Variants in PTCHD4 observed in about 807,000 individuals in gnomAD.
The protein encoded by PTCHD4 is patched domain-containing protein 4.
PTCHD4 carries 33 observed loss-of-function variants against 58.1 expected under a neutral mutation model. The ratio of observed to expected loss-of-function variants is 0.57; its 90% CI spans 0.43 to 0.76. The LOEUF (loss-of-function observed/expected upper bound fraction) is 0.76, where lower values mean the gene tolerates loss of function less well. Ranked by LOEUF, PTCHD4 falls within the 30% of genes least tolerant of loss-of-function variation. The pLI is 0.00. For missense variants in PTCHD4, 1,058 were observed against 1,027.1 expected, an observed-to-expected ratio of 1.03 and a Z score of -0.41; for synonymous variants, 478 against 409.6, an observed-to-expected ratio of 1.17 and a Z score of -2.02.
In PTCHD4 at chr6:47,901,193, A is replaced by T. The variant is rs193239904; in HGVS notation, c.899-21257T>A. 3,233 of 145,820 alleles carry T rather than the reference A, an allele frequency of 0.022. 58 individuals are homozygous for T. Among genetic ancestry groups the T allele is most frequent in the Middle Eastern group, 0.037 (10 of 268 alleles). The allele number at this position is 145,820 out of a possible 1,614,324, so 9.0% of individuals were successfully genotyped here. On this transcript the variant is annotated intron_variant, in intron 4 of 4. Coordinates refer to ENST00000339488, the MANE Select transcript of PTCHD4 (RefSeq NM_001384253.1). The stretch of plus-strand genomic sequence containing the variant: ...AAAAATAATAAAATAAAATAAAAAT[A>T]AAAAAAAATAAAAATAAATAGAAAT...
intron 4 of PTCHD4, among the ~76,000 whole-genome samples, chr6:47,939,837 A>G (rs1294067997): frequency 6.6e-6 from 1 of 152,148 alleles, no homozygotes; most frequent in Admixed American, 6.5e-5. Flanking sequence ...TTAAAGAAAG[A>G]GCACATTCTT....
At chr6:48,000,733 C>T (rs779905938) in intron 4 of PTCHD4, among the ~76,000 whole-genome samples, 17 of 152,136 alleles carry the variant, frequency 1.1e-4, no homozygotes, top group Non-Finnish European at 1.9e-4. Flanking sequence ...CTTTCCTTTA[C>T]CTATAGTAGG....
At chr6:48,014,280 G>T (rs1762792387) in intron 3 of PTCHD4, among the ~76,000 whole-genome samples, 1 of 152,022 alleles carries the variant, frequency 6.6e-6, no homozygotes, top group Admixed American at 6.6e-5. Context: ...TTATTTGTAT[G>T]GGAAAATTAT....
At chr6:48,078,721 T>C (rs944107690) in intron 1 of PTCHD4, among the ~76,000 whole-genome samples, 1 of 152,198 alleles carries the variant, frequency 6.6e-6, no homozygotes, top group Non-Finnish European at 1.5e-5. Context: ...AACTCTTTTT[T>C]TTCTGAAATG....
chr6:47,932,795 C>T (rs1417248435), intron 4 of PTCHD4, among the ~76,000 whole-genome samples: 2 of 152,236 alleles, frequency 1.3e-5, no homozygotes, highest in Admixed American at 6.5e-5. Context: ...AACCTTGCCA[C>T]TTCCTGGCTA....
intron 4 of PTCHD4, chr6:47,899,475 T>G: frequency 2.1e-6 from 1 of 476,046 alleles, no homozygotes; most frequent in Non-Finnish European, 2.7e-6. Flanking sequence ...TGAAGATTCT[T>G]GAGTTTGAAT....
chr6:48,081,595 G>C (rs1250945496), intron 1 of PTCHD4, among the ~76,000 whole-genome samples: 2 of 152,028 alleles, frequency 1.3e-5, no homozygotes, highest in Non-Finnish European at 2.9e-5. Flanking sequence ...ATTATATAAA[G>C]TTATAAAATA....
intron 3 of PTCHD4, among the ~76,000 whole-genome samples, chr6:48,010,651 A>G (rs1330314357): frequency 6.6e-6 from 1 of 151,676 alleles, no homozygotes; most frequent in African/African-American, 2.4e-5. Flanking sequence ...CAGAACGTGC[A>G]GGTTTGTTAC....
At chr6:48,078,982 G>T (rs554587044) in intron 1 of PTCHD4, among the ~76,000 whole-genome samples, 7 of 152,108 alleles carry the variant, frequency 4.6e-5, no homozygotes, top group South Asian at 4.2e-4. Flanking sequence ...AGCCGGGCGT[G>T]GTGCCGGGCG....
In PTCHD4 at chr6:47,878,409, G is replaced by A. The variant is rs1344630893; in HGVS notation, c.2426C>T (p.Pro809Leu). 6.2e-7 allele frequency: 1 copy of A among 1,613,072 alleles called. No homozygotes were observed. The highest frequency in any genetic ancestry group is 2.2e-5 in the East Asian group (1 of 44,852). The stretch of plus-strand genomic sequence containing the variant: ...CTTTTTCTTGTGGTGCTTTTTGGAA[G>A]GGGGGAAAAACGTTAGGAACACAGG... ...ILPVFLTFFP[P>L]SKKHHKKKKR... Residue 809 changes from proline to leucine, a missense_variant, in exon 5 of 5, where the codon CCT becomes CTT. Physicochemically the swap from Pro to Leu is moderately conservative, Grantham distance 98. Transcript: ENST00000339488.
chr6:47,935,960 C>T (rs1222658364), intron 4 of PTCHD4, among the ~76,000 whole-genome samples: 2 of 152,128 alleles, frequency 1.3e-5, no homozygotes, highest in African/African-American at 4.8e-5. Flanking sequence ...GATAAGGTGA[C>T]ATTTAAGCAG....
chr6:47,931,818 G>A (rs1314258852), intron 4 of PTCHD4, among the ~76,000 whole-genome samples: 1 of 152,142 alleles, frequency 6.6e-6, no homozygotes, highest in Non-Finnish European at 1.5e-5. Flanking sequence ...GGGCCACGAA[G>A]TTTTCCTAGA....
intron 4 of PTCHD4, among the ~76,000 whole-genome samples, chr6:47,913,311 C>T (rs1328314021): frequency 1.3e-5 from 2 of 152,074 alleles, no homozygotes; most frequent in Admixed American, 1.3e-4. Flanking sequence ...CGAAATATCA[C>T]TTTGCACACC....
chr6:48,059,103 A>G (rs2113865792), intron 3 of PTCHD4, among the ~76,000 whole-genome samples: 1 of 152,312 alleles, frequency 6.6e-6, no homozygotes, highest in Non-Finnish European at 1.5e-5. Context: ...TGCTGTTCTA[A>G]GCACCTTATA....
chr6:48,032,425 T>C (rs1489819251), intron 3 of PTCHD4, among the ~76,000 whole-genome samples: 1 of 151,766 alleles, frequency 6.6e-6, no homozygotes, highest in Non-Finnish European at 1.5e-5. Context: ...TGTGTATGCG[T>C]GTGTGTGTGT....
chr6:47,888,424 G>T (rs1023387492), intron 4 of PTCHD4, among the ~76,000 whole-genome samples: 1 of 152,132 alleles, frequency 6.6e-6, no homozygotes, highest in Non-Finnish European at 1.5e-5. Flanking sequence ...TTATGAGCAT[G>T]AACAGACACT....
Position 48,089,188 on chromosome 6 carries a change from G to A in PTCHD4, c.-969-19262C>T, listed in dbSNP as rs1009654666. Among the ~76,000 whole-genome samples, 36 of 152,130 alleles carry A rather than the reference G, an allele frequency of 2.4e-4. 2 individuals are homozygous for A. Among genetic ancestry groups the A allele is most frequent in the Admixed American group, 1.7e-3 (26 of 15,282 alleles). ...GGCAGAAATTTCCAAAAGACTAATA[G>A]CAATTAAATAGTAGTGATAGCAGAA... On this transcript the variant is annotated intron_variant, in intron 1 of 4. Coordinates refer to ENST00000339488, the MANE Select transcript of PTCHD4 (RefSeq NM_001384253.1).
intron 3 of PTCHD4, among the ~76,000 whole-genome samples, chr6:48,058,986 A>G (rs1033852989): frequency 2.6e-5 from 4 of 152,260 alleles, no homozygotes; most frequent in Non-Finnish European, 5.9e-5. Flanking sequence ...TGAATTCAAA[A>G]GAAGGTAATT....
At chr6:48,105,923 A>T (rs1288294046) in intron 1 of PTCHD4, among the ~76,000 whole-genome samples, 2 of 152,156 alleles carry the variant, frequency 1.3e-5, no homozygotes, top group Non-Finnish European at 2.9e-5. Context: ...CTCTGAAGAG[A>T]CCAATAGCAA....
Sources: gnomAD v4.1 joint callset for allele counts (sites outside exome capture counted in the v4.1 genomes callset) on GRCh38, gnomAD v4.1.1 for gene constraint, MANE v1.5 for transcripts, NCBI Gene and HGNC (gene_info 2026-07-23, HGNC 2026-07-21) for gene names.